BCOR: variants seen among roughly 807,000 people sequenced by gnomAD.
BCOR encodes the protein BCL6 corepressor, also known as BCL-6 corepressor.
A neutral mutation model predicts 86.7 loss-of-function variants in BCOR; 10 were observed. The observed-to-expected ratio is 0.12, with a 90% CI of 0.07 to 0.20. The LOEUF (loss-of-function observed/expected upper bound fraction) is 0.20. Ranked by LOEUF, BCOR falls within the 10% of genes least tolerant of loss-of-function variation. The pLI is 1.00. For synonymous variants in BCOR, 611 were observed against 609.0 expected (o/e 1.00, Z -0.05); for missense variants, 1,259 against 1,452.1 (o/e 0.87, Z 2.16).
intron 1 of BCOR, among the ~76,000 whole-genome samples, chrX:40,120,949 CG>C (rs1210387113): frequency 9.0e-6 from 1 of 111,014 alleles, no homozygotes; most frequent in African/African-American, 3.3e-5. Flanking sequence ...TCAACGGAGC[CG>C]GGGGAGCAAG....
chrX:40,117,206 C>T (rs1434161343), intron 1 of BCOR, among the ~76,000 whole-genome samples: 1 of 111,693 alleles, frequency 9.0e-6, no homozygotes, highest in East Asian at 2.8e-4. Context: ...AGTTTCTCCT[C>T]AGAAGAGAGT....
intron 6 of BCOR, among the ~76,000 whole-genome samples, chrX:40,070,365 G>A (rs1386657163): frequency 2.7e-5 from 3 of 111,881 alleles, no homozygotes; most frequent in African/African-American, 9.8e-5. Flanking sequence ...CTGTTGGTGG[G>A]GTGGGGGACC....
chrX:40,069,868 C>T (rs781659838), intron 6 of BCOR, among the ~76,000 whole-genome samples: 4 of 112,341 alleles, frequency 3.6e-5, no homozygotes, highest in South Asian at 7.4e-4. Context: ...TGAGTAAGGC[C>T]ACCACCTATT....
At position 40,077,900 on chromosome X, in the gene BCOR, G is replaced by A. The variant is rs1411424885; in HGVS notation, c.30C>T (p.Asn10=). 5.0e-6 allele frequency: 6 copies of A among 1,210,752 alleles called. No homozygotes were observed. Among genetic ancestry groups the A allele is most frequent in the South Asian group, 1.8e-5 (1 of 56,922 alleles). ...TCTCGCTGTTCATCCAGCTGTGAACGTTCCCATACAGGGGGGTTGCTGAGA... is the reference window on the plus strand; with the variant it reads ...TCTCGCTGTTCATCCAGCTGTGAACATTCCCATACAGGGGGGTTGCTGAGA... MLSATPLYG[N]VHSWMNSERV... The change falls in exon 2 of 15, where the codon AAC becomes AAT. Residue 10 remains asparagine, a synonymous_variant. Transcript: ENST00000378444.
chrX:40,087,689 G>T (rs1257607437), intron 1 of BCOR, among the ~76,000 whole-genome samples: 1 of 111,882 alleles, frequency 8.9e-6, no homozygotes, highest in Non-Finnish European at 1.9e-5. Context: ...CATCTGATGA[G>T]ATTTCTCTAG....
chrX:40,132,998 C>G (rs1001441911), intron 1 of BCOR, among the ~76,000 whole-genome samples: 1 of 112,199 alleles, frequency 8.9e-6, no homozygotes, highest in Non-Finnish European at 1.9e-5. Context: ...GTGCGTGAAC[C>G]GGACAGTGAA....
rs2147052853 is a variant in BCOR, at chrX:40,063,728, G to C, written c.3727C>G (p.Pro1243Ala). Residue 1243 changes from proline to alanine, a missense_variant, in exon 8 of 15, where the codon CCT (proline) becomes GCT (alanine). Physicochemically the swap from Pro to Ala is conservative, Grantham distance 27. Coordinates refer to ENST00000378444, the MANE Select transcript of BCOR (RefSeq NM_001123385.2). The stretch of plus-strand genomic sequence containing the variant: ...TTAGTCCCCTGAGGAATGGCCTCAG[G>C]CTGAGTGGCCTGGGTCACTTCCTTC... ...SRKEVTQATQ[P>A]EAIPQGTNIT... 8.3e-7 allele frequency: 1 copy of C among 1,211,929 alleles called. No individual in the cohort carries two copies.
rs184995867 is a variant in BCOR at position 40,063,287 on chromosome X, C to A, written c.3848-216G>T. Among the ~76,000 whole-genome samples the A allele has an allele frequency of 6.8e-3, 766 of 112,585 alleles. 6 individuals are homozygous for A. Among genetic ancestry groups the A allele is most frequent in the Admixed American group, 0.01 (111 of 10,734 alleles). On this transcript the variant is annotated intron_variant, in intron 8 of 14. Transcript: ENST00000378444. ...GGCACCTAAGTTAACCCACAAAACG[C>A]CAAGTGGCAAGTTGCTTCAAAGGGC...
chrX:40,062,364 C>T lies in BCOR; in HGVS notation c.4203G>A (p.Pro1401=), dbSNP rs376940750. ...KVTVRRFRKR[P]EPSSDYDLSP... is the part of the protein sequence containing the mutation. The stretch of plus-strand genomic sequence containing the variant: ...ACAGATCATAGTCCGAACTGGGCTC[C>T]GGCCGCTTTCTGAATCTCCGGACAG... Residue 1401 remains proline (P), a synonymous_variant, in exon 10 of 15, where the codon CCG becomes CCA. Coordinates refer to ENST00000378444, the MANE Select transcript of BCOR (RefSeq NM_001123385.2). The T allele has an allele frequency of 2.1e-4, 252 of 1,202,958 alleles. 2 individuals are homozygous for T. The South Asian group carries it at 2.9e-3, about 14-fold the overall frequency.
chrX:40,155,051 T>G (rs1602271396), intron 1 of BCOR, among the ~76,000 whole-genome samples: 1 of 104,550 alleles, frequency 9.6e-6, no homozygotes. Context: ...GCTGGGGGAG[T>G]AGCTGCGGGA....
In BCOR at chrX:40,074,746, C is replaced by T. The variant is rs1294663562; in HGVS notation, c.600G>A (p.Thr200=). The T allele has an allele frequency of 7.4e-6, 9 of 1,209,544 alleles. No homozygotes were observed. The highest frequency in any genetic ancestry group is 5.3e-5 in the African/African-American group (3 of 56,990). ...PWVNPYMEGA[T]PAIYPFLDSP... ...AGTCGAGGAAAGGGTAGATGGCTGG[C>T]GTGGCACCCTCCATGTAAGGATTGA... is the stretch of plus-strand genomic sequence containing the variant. Residue 200 remains threonine (T), a synonymous_variant, in exon 4 of 15, where the codon ACG becomes ACA. Coordinates refer to ENST00000378444, the MANE Select transcript of BCOR (RefSeq NM_001123385.2).
At chrX:40,154,585 C>G (rs938089659) in intron 1 of BCOR, among the ~76,000 whole-genome samples, 2 of 109,055 alleles carry the variant, frequency 1.8e-5, no homozygotes, top group African/African-American at 3.4e-5. Context: ...CTCTACGTCC[C>G]CCCCACCCCA....
chrX:40,074,223 G>C lies in BCOR; in HGVS notation c.1123C>G (p.Pro375Ala), dbSNP rs1935656218. Residue 375 changes from proline to alanine, a missense_variant, in exon 4 of 15, where the codon CCA becomes GCA. Coordinates refer to ENST00000378444, the MANE Select transcript of BCOR (RefSeq NM_001123385.2). Reference sequence around the variant, plus strand: ...AACTCGCTGCTAACTGTCATGTATGGCTTTGACAGGGCAACTGAAGGAGAG... The same window carrying C: ...AACTCGCTGCTAACTGTCATGTATGCCTTTGACAGGGCAACTGAAGGAGAG... ...STSPSVALSK[P>A]YMTVSSEFPA... 8.2e-7 allele frequency: 1 copy of C among 1,212,267 alleles called. No homozygotes were observed. The highest frequency in any genetic ancestry group is 1.1e-6 in the Non-Finnish European group (1 of 895,603).
chrX:40,070,807 G>T (rs1471906310), intron 6 of BCOR, among the ~76,000 whole-genome samples, 166 bp downstream of exon 6: 1 of 112,041 alleles, frequency 8.9e-6, no homozygotes, highest in Non-Finnish European at 1.9e-5. Context: ...TGGAAAAAAA[G>T]ATGTGTCCCA....
chrX:40,130,397 G>A (rs976413013), intron 1 of BCOR, among the ~76,000 whole-genome samples: 1 of 112,305 alleles, frequency 8.9e-6, no homozygotes, highest in African/African-American at 3.2e-5. Context: ...CAGGGATTCC[G>A]GGGTGCTGAC....
chrX:40,052,513 C>T, intron 14 of BCOR, 113 bp from the exon 15 acceptor site: 1 of 618,741 alleles, frequency 1.6e-6, no homozygotes, highest in South Asian at 2.8e-5. Context: ...TTTCATTCTG[C>T]TCCCACCCCT....
chrX:40,124,127 C>T (rs950109954), intron 1 of BCOR, among the ~76,000 whole-genome samples: 28 of 111,140 alleles, frequency 2.5e-4, no homozygotes, highest in African/African-American at 8.5e-4. Flanking sequence ...CGGACTTAAG[C>T]GGACCATAAA....
chrX:40,176,439 C>T (rs2148045271), intron 1 of BCOR, among the ~76,000 whole-genome samples: 1 of 112,456 alleles, frequency 8.9e-6, no homozygotes, highest in South Asian at 3.7e-4. Context: ...GCGGGGATGG[C>T]GGTTCCGGTC....
intron 1 of BCOR, among the ~76,000 whole-genome samples, chrX:40,086,077 G>T (rs1031186813): frequency 8.9e-6 from 1 of 111,807 alleles, no homozygotes; most frequent in Non-Finnish European, 1.9e-5. Context: ...AGGCTTGGAA[G>T]AAAAGGTTAA....
Sources: allele counts gnomAD v4.1 joint callset (sites outside exome capture counted in the v4.1 genomes callset), GRCh38; gene constraint gnomAD v4.1.1; transcripts MANE v1.5; gene names NCBI Gene and HGNC (gene_info 2026-07-23, HGNC 2026-07-21).